CAST: variants seen among roughly 807,000 people sequenced by gnomAD.
CAST encodes calpastatin.
In CAST, 76 loss-of-function variants were observed where a neutral mutation model predicts 119.6. The observed-to-expected ratio is 0.64, with a 90% CI of 0.53 to 0.77. The LOEUF (loss-of-function observed/expected upper bound fraction) is 0.77, where lower values mean the gene tolerates loss of function less well. CAST is among the 30% of genes least tolerant of loss of function. CAST has a pLI of 0.00. For missense variants in CAST, 953 were observed against 946.5 expected (o/e 1.01, Z -0.09); for synonymous variants, 319 against 331.6 (o/e 0.96, Z 0.41).
upstream of CAST, among the ~76,000 whole-genome samples, chr5:96,525,752 C>T (rs917793161): frequency 2.0e-5 from 3 of 152,072 alleles, no homozygotes; most frequent in Admixed American, 1.3e-4. Flanking sequence ...CAAACAACAA[C>T]AAAAAAACTG....
At chr5:96,319,595 A>G in the CAST span, among the ~76,000 whole-genome samples, 2 of 152,212 alleles carry the variant, frequency 1.3e-5, no homozygotes, top group African/African-American at 4.8e-5. Context: ...TGCTCTGTGT[A>G]TCACAGTCAC....
At chr5:96,426,016 TC>T in the CAST span, 10 of 770,050 alleles carry the variant, frequency 1.3e-5, no homozygotes, top group South Asian at 1.4e-4. Context: ...ACCCTTCCCA[TC>T]AGAGTTCAGG....
the CAST span, among the ~76,000 whole-genome samples, chr5:96,478,946 T>C: frequency 2.6e-5 from 4 of 152,182 alleles, no homozygotes; most frequent in African/African-American, 9.7e-5. Flanking sequence ...ATTGAACACA[T>C]GAAGTGGTGC....
the CAST span, chr5:96,421,985 G>A: frequency 1.3e-5 from 10 of 779,626 alleles, no homozygotes; most frequent in African/African-American, 2.2e-5. Context: ...ATAACACTGT[G>A]GCAGCATTAA....
At chr5:96,521,189 A>G (rs77564508), upstream of CAST, among the ~76,000 whole-genome samples, 6 of 152,356 alleles carry the variant, frequency 3.9e-5, no homozygotes, top group African/African-American at 1.4e-4. Context: ...ACCAAATAGG[A>G]ACTCAGTAAG....
chr5:96,205,744 T>A, the CAST span, among the ~76,000 whole-genome samples: 16 of 152,098 alleles, frequency 1.1e-4, no homozygotes, highest in African/African-American at 3.9e-4. Context: ...TGATTACAGG[T>A]CTTTGCTATT....
At chr5:96,177,252 G>T in the CAST span, among the ~76,000 whole-genome samples, 8 of 152,104 alleles carry the variant, frequency 5.3e-5, no homozygotes, top group Non-Finnish European at 7.4e-5. Flanking sequence ...GGGAAAAAAA[G>T]AAAGGAATCC....
chr5:96,007,282 G>A, the CAST span, among the ~76,000 whole-genome samples: 3 of 152,196 alleles, frequency 2.0e-5, no homozygotes, highest in Admixed American at 6.5e-5. Flanking sequence ...TCTTTTCATT[G>A]TATGTGCAGA....
At chr5:96,345,594 G>C in the CAST span, among the ~76,000 whole-genome samples, 1 of 152,114 alleles carries the variant, frequency 6.6e-6, no homozygotes, top group Admixed American at 6.5e-5. Flanking sequence ...TGGGTGTACA[G>C]TTCCTTAGCT....
intron 1 of CAST, among the ~76,000 whole-genome samples, chr5:96,536,443 C>A (rs1031022171): frequency 1.3e-5 from 2 of 152,120 alleles, no homozygotes; most frequent in East Asian, 3.8e-4. Flanking sequence ...TGTAGACATG[C>A]CTGGTGTATT....
chr5:96,318,859 A>C, the CAST span: 1 of 152,184 alleles, frequency 6.6e-6, no homozygotes, highest in Admixed American at 6.6e-5. Context: ...TTAATGCTAC[A>C]GTGTTTACTT....
At chr5:95,961,468 G>T in the CAST span, 1 of 1,302,526 alleles carries the variant, frequency 7.7e-7, no homozygotes, top group Non-Finnish European at 9.9e-7. Flanking sequence ...GGCGCTGACG[G>T]TAGCAGCTGC....
At chr5:96,031,923 G>A in the CAST span, among the ~76,000 whole-genome samples, 1 of 152,122 alleles carries the variant, frequency 6.6e-6, no homozygotes, top group Non-Finnish European at 1.5e-5. Context: ...CATCAGCTAG[G>A]ACTGCAGTCA....
At chr5:96,398,468 T>C in the CAST span, among the ~76,000 whole-genome samples, 1 of 152,192 alleles carries the variant, frequency 6.6e-6, no homozygotes, top group Admixed American at 6.5e-5. Context: ...CTTCTCAATC[T>C]CCTCTAATCG....
At chr5:96,063,271 C>T in the CAST span, among the ~76,000 whole-genome samples, 1 of 152,118 alleles carries the variant, frequency 6.6e-6, no homozygotes, top group African/African-American at 2.4e-5. Flanking sequence ...CCCATTCACT[C>T]AAGGTCATGA....
the CAST span, among the ~76,000 whole-genome samples, chr5:96,300,407 C>T: frequency 6.6e-6 from 1 of 152,056 alleles, no homozygotes; most frequent in Non-Finnish European, 1.5e-5. Flanking sequence ...ATCAATTGAC[C>T]ATAGATATGT....
chr5:96,727,539 T>C lies in CAST; in HGVS notation c.378+9T>C, dbSNP rs71630749. The C allele has an allele frequency of 1.9e-3, 2,962 of 1,532,896 alleles. 14 individuals are homozygous for C. Among genetic ancestry groups the C allele is most frequent in the Admixed American group, 5.8e-3 (319 of 55,362 alleles). 95.0% of individuals were successfully genotyped at this position (1,532,896 alleles called of 1,614,324 possible). ...AGTCACAGTCAACCAAGGTAAATAG[T>C]TTAAGTCTGTTAGTTAGTTATTTGG... On this transcript the variant is annotated intron_variant, in intron 6 of 31. Coordinates refer to ENST00000675179, the MANE Select transcript of CAST (RefSeq NM_001750.7).
At position 96,767,496 on chromosome 5, in the gene CAST, GA is replaced by G; in HGVS notation, c.2175+16del. ...GAGGATTCAAAGGTAAAGACCATAG[GA>G]ACATATTTCCATTAAATTTTGTTTT... On this transcript the variant is annotated intron_variant, in intron 28 of 31. Coordinates refer to ENST00000675179, the MANE Select transcript of CAST (RefSeq NM_001750.7). The G allele has an allele frequency of 1.2e-6, 2 of 1,607,802 alleles. No homozygotes were observed. The highest frequency in any genetic ancestry group is 3.3e-4 in the Middle Eastern group (2 of 6,036).
the CAST span, among the ~76,000 whole-genome samples, chr5:95,985,852 G>A: frequency 6.6e-6 from 1 of 152,124 alleles, no homozygotes; most frequent in Admixed American, 6.5e-5. Flanking sequence ...AAGAAACTGT[G>A]GCTTGAAATT....
Sources: allele counts gnomAD v4.1 joint callset (sites outside exome capture counted in the v4.1 genomes callset), GRCh38; gene constraint gnomAD v4.1.1; transcripts MANE v1.5; gene names NCBI Gene and HGNC (gene_info 2026-07-23, HGNC 2026-07-21).